OPCML: variants seen among roughly 807,000 people sequenced by gnomAD.
OPCML encodes opioid binding protein/cell adhesion molecule like.
A neutral mutation model predicts 37.8 loss-of-function variants in OPCML; 13 were observed. That is an observed-to-expected ratio of 0.34 (90% CI 0.22 to 0.55). OPCML has a LOEUF of 0.55. Ranked by LOEUF, OPCML falls within the 20% of genes least tolerant of loss-of-function variation. OPCML has a pLI of 0.91. For synonymous variants in OPCML, 176 were observed against 168.8 expected (o/e 1.04, Z -0.33); for missense variants, 341 against 435.6 (o/e 0.78, Z 1.93).
chr11:132,739,280 C>T (rs920557595), intron 2 of OPCML, among the ~76,000 whole-genome samples: 1 of 152,148 alleles, frequency 6.6e-6, no homozygotes, highest in Non-Finnish European at 1.5e-5. Context: ...CCTTTTGTCC[C>T]TTATCACTGG....
At chr11:133,160,456 T>C (rs899242657) in intron 1 of OPCML, among the ~76,000 whole-genome samples, 6 of 152,218 alleles carry the variant, frequency 3.9e-5, no homozygotes, top group African/African-American at 1.4e-4. Flanking sequence ...GGACAGATTG[T>C]TCTGGAAACT....
Position 132,581,652 on chromosome 11 carries a change from T to G in OPCML, c.380-52466A>C, listed in dbSNP as rs145062632. Among the ~76,000 whole-genome samples the G allele has an allele frequency of 3.3e-3, 509 of 152,272 alleles. 2 individuals are homozygous for G. Among genetic ancestry groups the G allele is most frequent in the South Asian group, 9.1e-3 (44 of 4,830 alleles). On this transcript the variant is annotated intron_variant, in intron 3 of 7. Transcript: ENST00000524381. ...CCTCCCTACATCTTAAACCTGAAAA[T>G]GGACTTAAAAAAGTTCACATATTTC...
In OPCML at chr11:132,582,519, A is replaced by G. The variant is rs145921444; in HGVS notation, c.380-53333T>C. ...TGCATTTTGGAAACCACTACTACAC[A>G]TAGAAGGCAGTCAATGATAACCTAT... On this transcript the variant is annotated intron_variant, in intron 3 of 7. Transcript: ENST00000524381. Among the ~76,000 whole-genome samples, 468 of 152,330 alleles carry G rather than the reference A, an allele frequency of 3.1e-3. 3 individuals are homozygous for G. The highest frequency in any genetic ancestry group is 0.028 in the South Asian group (137 of 4,830).
chr11:133,441,123 A>G (rs530552788), intron 1 of OPCML, among the ~76,000 whole-genome samples: 23 of 152,112 alleles, frequency 1.5e-4, no homozygotes, highest in South Asian at 1.0e-3. Context: ...ATTATCTTAT[A>G]TGTTAGCACA....
intron 1 of OPCML, among the ~76,000 whole-genome samples, chr11:133,182,420 T>C (rs1565490210): frequency 6.6e-6 from 1 of 152,222 alleles, no homozygotes; most frequent in Non-Finnish European, 1.5e-5. Context: ...TTTTTATTAA[T>C]ACCAAACCAA....
At chr11:132,533,474 T>C (rs2096332045) in intron 3 of OPCML, among the ~76,000 whole-genome samples, 1 of 152,074 alleles carries the variant, frequency 6.6e-6, no homozygotes, top group Non-Finnish European at 1.5e-5. Context: ...GATAGACAAA[T>C]AGATGACCAA....
intron 1 of OPCML, among the ~76,000 whole-genome samples, chr11:133,397,727 T>C (rs2136828100): frequency 6.6e-6 from 1 of 152,326 alleles, no homozygotes; most frequent in South Asian, 2.1e-4. Context: ...AAGCAGAAAC[T>C]TACTGTGAGA....
chr11:133,257,249 T>G (rs1369130760), intron 1 of OPCML, among the ~76,000 whole-genome samples: 1 of 152,240 alleles, frequency 6.6e-6, no homozygotes, highest in Non-Finnish European at 1.5e-5. Context: ...CTCAATGACC[T>G]ATAATTTCAA....
chr11:133,310,398 CA>C (rs1279373692), intron 1 of OPCML, among the ~76,000 whole-genome samples: 2 of 152,086 alleles, frequency 1.3e-5, no homozygotes, highest in East Asian at 3.9e-4. Context: ...GCTTGAATCT[CA>C]GATTTTATTT....
chr11:132,741,856 G>A (rs1257410657), intron 2 of OPCML, among the ~76,000 whole-genome samples: 4 of 151,400 alleles, frequency 2.6e-5, no homozygotes, highest in Non-Finnish European at 5.9e-5. Flanking sequence ...AAGAAACCCC[G>A]TCTCTACTAA....
At chr11:133,162,128 G>T (rs1441006357) in intron 1 of OPCML, among the ~76,000 whole-genome samples, 3 of 150,948 alleles carry the variant, frequency 2.0e-5, no homozygotes, top group South Asian at 4.2e-4. Context: ...TATCAACCAT[G>T]CCTAGATCTT....
At chr11:132,901,475 T>C (rs1002615428) in intron 2 of OPCML, among the ~76,000 whole-genome samples, 1 of 152,228 alleles carries the variant, frequency 6.6e-6, no homozygotes, top group Non-Finnish European at 1.5e-5. Flanking sequence ...GTTGCACTTG[T>C]CATGTAACAG....
At chr11:133,001,395 T>C (rs1414589455) in intron 1 of OPCML, among the ~76,000 whole-genome samples, 1 of 152,196 alleles carries the variant, frequency 6.6e-6, no homozygotes, top group Non-Finnish European at 1.5e-5. Context: ...GCTAAACTGA[T>C]AGAAGGAATC....
chr11:132,853,962 G>A (rs75835458), intron 2 of OPCML, among the ~76,000 whole-genome samples: 3,033 of 152,154 alleles, frequency 0.02, 40 homozygotes, highest in Middle Eastern at 0.048. Context: ...CAATTCTGAC[G>A]TTATCTATTA....
chr11:133,524,858 C>T (rs1458621639), intron 1 of OPCML, among the ~76,000 whole-genome samples: 3 of 152,234 alleles, frequency 2.0e-5, no homozygotes, highest in Non-Finnish European at 4.4e-5. Flanking sequence ...CTGGGCAGGC[C>T]AAACTGGGGG....
intron 1 of OPCML, among the ~76,000 whole-genome samples, chr11:133,197,294 G>A (rs1938572247): frequency 6.6e-6 from 1 of 152,146 alleles, no homozygotes; most frequent in South Asian, 2.1e-4. Context: ...TTAAATTGTT[G>A]CTTTACTTGT....
At chr11:132,704,246 T>C (rs933443152) in intron 2 of OPCML, among the ~76,000 whole-genome samples, 1 of 152,198 alleles carries the variant, frequency 6.6e-6, no homozygotes, top group Non-Finnish European at 1.5e-5. Flanking sequence ...AAGCAAGGAT[T>C]CAGAACATTT....
chr11:133,314,103 C>T (rs375558266), intron 1 of OPCML, among the ~76,000 whole-genome samples: 39 of 143,120 alleles, frequency 2.7e-4, no homozygotes, highest in East Asian at 1.8e-3. Context: ...GGCGTAGTGG[C>T]GGGCGCCTGT....
At chr11:133,345,159 G>A (rs1009590814) in intron 1 of OPCML, among the ~76,000 whole-genome samples, 1 of 152,138 alleles carries the variant, frequency 6.6e-6, no homozygotes, top group Non-Finnish European at 1.5e-5. Flanking sequence ...AAGCAGTGCT[G>A]CCATCGCATC....
Sources: gnomAD v4.1 joint callset for allele counts (sites outside exome capture counted in the v4.1 genomes callset) on GRCh38, gnomAD v4.1.1 for gene constraint, MANE v1.5 for transcripts, NCBI Gene and HGNC (gene_info 2026-07-23, HGNC 2026-07-21) for gene names.